Variants in CHD6 observed in about 807,000 individuals in gnomAD.
The protein encoded by CHD6 is ATP-dependent chromatin remodeler CHD6.
A neutral mutation model predicts 276.9 loss-of-function variants in CHD6; 50 were observed. That is an observed-to-expected ratio of 0.18 (90% CI 0.14 to 0.23). The LOEUF is 0.23. Among genes scored for constraint, CHD6 ranks in the 10% least tolerant of loss-of-function variants. The pLI, the probability that CHD6 is intolerant of heterozygous loss-of-function variation, is 1.00. For missense variants in CHD6, 2,564 were observed against 3,365.8 expected (o/e 0.76, Z 5.89); for synonymous variants, 1,173 against 1,229.3 (o/e 0.95, Z 0.96).
intron 11 of CHD6, among the ~76,000 whole-genome samples, chr20:41,490,395 C>G (rs117313334): frequency 0.011 from 1,700 of 152,294 alleles, 17 homozygotes; most frequent in Non-Finnish European, 0.019. Context: ...GGCTATAAGC[C>G]TATACAGCAT....
chr20:41,427,095 A>G (rs2047388375), intron 27 of CHD6, among the ~76,000 whole-genome samples: 1 of 152,010 alleles, frequency 6.6e-6, no homozygotes, highest in African/African-American at 2.4e-5. Flanking sequence ...TAAAGGGTGA[A>G]AAAAAGGGAG....
chr20:41,559,518 C>A (rs1198857740), intron 1 of CHD6, among the ~76,000 whole-genome samples: 1 of 152,124 alleles, frequency 6.6e-6, no homozygotes, highest in African/African-American at 2.4e-5. Flanking sequence ...AACTATGGAC[C>A]ATTTCCTCTT....
In CHD6 at chr20:41,440,245, T is replaced by C. The variant is rs2047858029; in HGVS notation, c.3878-116A>G. 6.3e-6 allele frequency: 6 copies of C among 953,804 alleles called. No homozygotes were observed. The Admixed American group carries it at 1.4e-4, about 23-fold the overall frequency. 59.1% of individuals were successfully genotyped at this position (953,804 alleles called of 1,614,324 possible). On this transcript the variant is annotated intron_variant, in intron 25 of 36. Coordinates refer to ENST00000373233, the MANE Select transcript of CHD6 (RefSeq NM_032221.5). ...AAAGAACAAAACAAACACAAAAAAA[T>C]AATTATTTAAGATTAATGAGATCCT...
At position 41,425,167 on chromosome 20, in the gene CHD6, C is replaced by T; in HGVS notation, c.4346+11G>A. 1.2e-6 allele frequency: 2 copies of T among 1,613,498 alleles called. No homozygotes were observed. Among genetic ancestry groups the T allele is most frequent in the Non-Finnish European group, 1.7e-6 (2 of 1,179,384 alleles). The stretch of plus-strand genomic sequence containing the variant: ...GTGGCTGAGCATGCCCCTTTGGCCA[C>T]TGGCTTTTACCTCTTTTGGGCTTCC... On this transcript the variant is annotated intron_variant, in intron 29 of 36. Transcript: ENST00000373233.
chr20:41,544,015 G>A (rs1243902750), intron 2 of CHD6, among the ~76,000 whole-genome samples: 1 of 152,112 alleles, frequency 6.6e-6, no homozygotes, highest in Non-Finnish European at 1.5e-5. Context: ...CAAGACATGC[G>A]GATTGCCTGA....
intron 3 of CHD6, among the ~76,000 whole-genome samples, chr20:41,529,256 C>G (rs1227883659): frequency 1.3e-5 from 2 of 152,136 alleles, no homozygotes; most frequent in Admixed American, 1.3e-4. Context: ...GAGAAGAGCT[C>G]TATCCATTTA....
At chr20:41,616,540 G>C (rs2045936139) in intron 1 of CHD6, among the ~76,000 whole-genome samples, 1 of 152,170 alleles carries the variant, frequency 6.6e-6, no homozygotes, top group Non-Finnish European at 1.5e-5. Flanking sequence ...GTGCAGGATA[G>C]CTTTTAGTCA....
intron 17 of CHD6, among the ~76,000 whole-genome samples, chr20:41,470,217 T>A (rs991353978): frequency 6.6e-6 from 1 of 152,132 alleles, no homozygotes; most frequent in Non-Finnish European, 1.5e-5. Flanking sequence ...AGACACAGAA[T>A]TTGGACCTTC....
chr20:41,594,927 T>C (rs1255574287), intron 1 of CHD6, among the ~76,000 whole-genome samples: 2 of 152,228 alleles, frequency 1.3e-5, no homozygotes, highest in African/African-American at 4.8e-5. Flanking sequence ...CAGGTGCAGG[T>C]AGCACCCTTC....
intron 2 of CHD6, chr20:41,547,633 T>C (rs1366450731): frequency 6.2e-6 from 4 of 641,676 alleles, no homozygotes; most frequent in Admixed American, 3.8e-5. Flanking sequence ...CAGGCCCAGA[T>C]TGAGGTGGTA....
chr20:41,572,949 G>A (rs1328881474), intron 1 of CHD6, among the ~76,000 whole-genome samples: 2 of 151,400 alleles, frequency 1.3e-5, no homozygotes, highest in African/African-American at 2.4e-5. Context: ...TTGCTCTGTC[G>A]CCCAGGCTGG....
At chr20:41,504,404 T>G (rs1184937345) in intron 5 of CHD6, among the ~76,000 whole-genome samples, 1 of 55,106 alleles carries the variant, frequency 1.8e-5, no homozygotes, top group East Asian at 2.7e-3. Context: ...CTCTATTTTC[T>G]TTTTTTTTTT....
In CHD6 at chr20:41,587,831, AAAAAAAACCC is replaced by A. The variant is rs2045612045; in HGVS notation, c.-24+30499_-24+30508del. On this transcript the variant is annotated intron_variant, in intron 1 of 36. Transcript: ENST00000373233. Reference sequence around the variant, plus strand: ...ACATTTCTGTAGTGAAAAACAAACCAAAAAAAACCCAAAAAAACCCTGCTGGGCAAAATAG... The same window carrying A: ...ACATTTCTGTAGTGAAAAACAAACCAAAAAAAACCCTGCTGGGCAAAATAG... 6.3e-5 allele frequency among the ~76,000 whole-genome samples: 4 copies of A among 63,224 alleles called. No homozygotes were observed. In the South Asian group the frequency reaches 1.5e-3, roughly 24 times the overall value. The allele number at this position is 63,224 out of a possible 152,430, so 41.5% of individuals were successfully genotyped here.
rs2045924134 is a variant in CHD6, at chr20:41,615,290, A to T, written c.-24+3050T>A. On this transcript the variant is annotated intron_variant, in intron 1 of 36. Coordinates refer to ENST00000373233, the MANE Select transcript of CHD6 (RefSeq NM_032221.5). ...TCTGGCTGAGTACTGGACAAACACC[A>T]GGTATTCAATCAATGCTAGTTCTTT... Among the ~76,000 whole-genome samples the T allele has an allele frequency of 3.3e-5, 5 of 151,316 alleles. No homozygotes were observed. The South Asian group carries it at 1.0e-3, about 32-fold the overall frequency.
chr20:41,535,029 G>A (rs919893484), intron 2 of CHD6, among the ~76,000 whole-genome samples: 4 of 152,088 alleles, frequency 2.6e-5, no homozygotes, highest in African/African-American at 4.8e-5. Context: ...AGCATGCAAG[G>A]GTGTACAGAC....
intron 1 of CHD6, chr20:41,564,221 T>C: frequency 1.7e-6 from 1 of 595,972 alleles, no homozygotes. Flanking sequence ...AAACATGTTT[T>C]GGGGCGCTAA....
rs1444777839 is a variant in CHD6 at position 41,452,146 on chromosome 20, C to T, written c.3324-121G>A. The T allele has an allele frequency of 2.6e-5, 20 of 770,096 alleles. No homozygotes were observed. The highest frequency in any genetic ancestry group is 4.4e-5 in the Non-Finnish European group (20 of 452,408). 47.7% of individuals were successfully genotyped at this position (770,096 alleles called of 1,614,324 possible). A position where few individuals can be genotyped will look rare whatever the true frequency, so the allele number is the denominator to read the frequency against. On this transcript the variant is annotated intron_variant, in intron 21 of 36. Coordinates refer to ENST00000373233, the MANE Select transcript of CHD6 (RefSeq NM_032221.5). The surrounding 1 kb of genome is among the most constrained non-coding windows in gnomAD (Gnocchi z 4.2). The stretch of plus-strand genomic sequence containing the variant: ...TTTTGTTCTCTGTAGGTCTGTTAAT[C>T]ATCCCAAGGGCTTTGTCCCGAAAGG...
intron 1 of CHD6, among the ~76,000 whole-genome samples, chr20:41,601,137 C>A (rs1333801694): frequency 6.6e-6 from 1 of 152,216 alleles, no homozygotes; most frequent in East Asian, 1.9e-4. Flanking sequence ...GATGTTAACT[C>A]TTCTGGGAAG....
rs920526097 is a variant in CHD6 at position 41,420,604 on chromosome 20, G to A, written c.6031C>T (p.Pro2011Ser). Residue 2011 changes from proline (P) to serine (S), a missense_variant, in exon 31 of 37, where the codon CCC becomes TCC. Pro to Ser is a moderately conservative substitution (Grantham distance 74). Around this residue, in one of 7 missense-constraint regions of CHD6, gnomAD observed 1,024 missense variants for 1,047.9 expected, o/e 0.98. Coordinates refer to ENST00000373233, the MANE Select transcript of CHD6 (RefSeq NM_032221.5). ...KESAEGQNVF[P>S]TYPLEGSELK... Reference sequence around the variant, plus strand: ...TCACTTCCTTCAAGAGGATATGTGGGGAAAACGTTTTGCCCCTCTGCACTT... The same window carrying A: ...TCACTTCCTTCAAGAGGATATGTGGAGAAAACGTTTTGCCCCTCTGCACTT... The A allele has an allele frequency of 6.2e-6, 10 of 1,614,016 alleles. No homozygotes were observed. The African/African-American group carries it at 6.7e-5, about 11-fold the overall frequency.
Sources: allele counts gnomAD v4.1 joint callset (sites outside exome capture counted in the v4.1 genomes callset), GRCh38; gene constraint gnomAD v4.1.1; regional missense constraint gnomAD v4.1.1; non-coding constraint Gnocchi (gnomAD v3.1); transcripts MANE v1.5; gene names NCBI Gene and HGNC (gene_info 2026-07-23, HGNC 2026-07-21).